PLCB2: variants seen among roughly 807,000 people sequenced by gnomAD.
The protein encoded by PLCB2 is 1-phosphatidylinositol 4,5-bisphosphate phosphodiesterase beta-2.
PLCB2 carries 115 observed loss-of-function variants against 141.7 expected under a neutral mutation model. The ratio of observed to expected loss-of-function variants is 0.81; its 90% CI spans 0.70 to 0.95. The LOEUF (loss-of-function observed/expected upper bound fraction) is 0.95, where lower values mean the gene tolerates loss of function less well. Ranked by LOEUF, PLCB2 falls within the 40% of genes least tolerant of loss-of-function variation. The pLI is 0.00. For synonymous variants in PLCB2, 603 were observed against 595.6 expected (o/e 1.01, Z -0.18); for missense variants, 1,403 against 1,541.1 (o/e 0.91, Z 1.50).
chr15:40,292,458 AG>A lies in PLCB2; in HGVS notation c.2327-16del, dbSNP rs771611153. The A allele has an allele frequency of 5.0e-5, 80 of 1,589,406 alleles. No individual in the cohort carries two copies. The highest frequency in any genetic ancestry group is 1.7e-4 in the Middle Eastern group (1 of 5,862). ...GTGGTGGTACCCTGTGAGACAGGAC[AG>A]GGTAGGCAGTGAGCCAGAGCCCGTT... On this transcript the variant is annotated splice_polypyrimidine_tract_variant and intron_variant, in intron 21 of 31. Coordinates refer to ENST00000260402, the MANE Select transcript of PLCB2 (RefSeq NM_004573.3).
chr15:40,302,332 T>A lies in PLCB2; in HGVS notation c.390A>T (p.Val130=), dbSNP rs1313223605. The A allele has an allele frequency of 6.2e-6, 10 of 1,613,918 alleles. No individual in the cohort carries two copies. The highest frequency in any genetic ancestry group is 1.3e-5 in the African/African-American group (1 of 74,906). Residue 130 remains valine, a synonymous_variant, in exon 5 of 32, where the codon GTA becomes GTT. Coordinates refer to ENST00000260402, the MANE Select transcript of PLCB2 (RefSeq NM_004573.3). ...TCAGCGGATGTTTGACTAGGGCCAG[T>A]ACGTCCTCAGCCCAGGCCTGCAGGA... is the stretch of plus-strand genomic sequence containing the variant. The part of the protein sequence containing the change: ...ENVGKAWAED[V]LALVKHPLTA...
intron 2 of PLCB2, among the ~76,000 whole-genome samples, chr15:40,303,560 C>A (rs2040635384): frequency 6.6e-6 from 1 of 152,136 alleles, no homozygotes; most frequent in African/African-American, 2.4e-5. Flanking sequence ...TCATGCAGAT[C>A]CTCCTCCCTT....
chr15:40,289,527 T>C (rs2039736758), intron 30 of PLCB2, 169 bp from the exon 31 acceptor site: 1 of 622,354 alleles, frequency 1.6e-6, no homozygotes, highest in South Asian at 1.9e-5. Flanking sequence ...CTCACTGGAC[T>C]GTAAAAGATT....
rs9972332 is a variant in PLCB2, at chr15:40,294,336, G to T, written c.1991C>A (p.Pro664Gln). Residue 664 changes from proline (P) to glutamine (Q), a missense_variant, in exon 19 of 32, where the codon CCG becomes CAG. By Grantham distance (76) the Pro-to-Gln change is moderately conservative. Coordinates refer to ENST00000260402, the MANE Select transcript of PLCB2 (RefSeq NM_004573.3). ...YLLKHEFMRR[P>Q]DKQFNPFSVD... ...TGAGAAGGGGTTGAACTGCTTGTCC[G>T]GCCGGCGCATGAACTCATGCTTGAG... The T allele has an allele frequency of 1.2e-6, 2 of 1,614,178 alleles. No homozygotes were observed. The highest frequency in any genetic ancestry group is 2.2e-5 in the South Asian group (2 of 91,082).
intron 19 of PLCB2, 66 bp from the exon 20 acceptor site, chr15:40,293,790 G>A: frequency 1.9e-6 from 3 of 1,551,606 alleles, no homozygotes; most frequent in Admixed American, 1.7e-5. Flanking sequence ...AAGCATCTGG[G>A]GCCCCTGGCT....
chr15:40,301,493 G>T, intron 7 of PLCB2: 1 of 702,560 alleles, frequency 1.4e-6, no homozygotes. Context: ...CAGAGCAGAA[G>T]TCTGCATCTT....
chr15:40,294,249 G>T lies in PLCB2; in HGVS notation c.2061+17C>A. ...AGACCTCAGCCTCCCGGCCACTTGT[G>T]TGCCCCAGGGCCTTGCCGTAATGGA... On this transcript the variant is annotated intron_variant, in intron 19 of 31. Transcript: ENST00000260402. 1 of 1,612,618 alleles carries T rather than the reference G, an allele frequency of 6.2e-7. No homozygotes were observed. Among genetic ancestry groups the T allele is most frequent in the South Asian group, 1.1e-5 (1 of 91,066 alleles).
At chr15:40,290,707 G>C (rs749686762) in intron 28 of PLCB2, 35 bp from the exon 29 acceptor site, 3 of 1,611,868 alleles carry the variant, frequency 1.9e-6, no homozygotes, top group South Asian at 2.2e-5. Context: ...GCTGTTTTGT[G>C]CGGCTGAGCC....
rs774841579 is a variant in PLCB2, at chr15:40,302,367, G to A, written c.373-18C>T. ...GCCCAGGCCTGCAGGACCACAGAGA[G>A]CAGCGGTCAGGCTCCTGAGCACCCC... is the stretch of plus-strand genomic sequence containing the variant. On this transcript the variant is annotated intron_variant, in intron 4 of 31. Transcript: ENST00000260402. 1.9e-6 allele frequency: 3 copies of A among 1,613,208 alleles called. No individual in the cohort carries two copies. The East Asian group carries it at 6.7e-5, about 36-fold the overall frequency.
In PLCB2 at chr15:40,288,367, G is replaced by C; in HGVS notation, c.*348C>G. The C allele has an allele frequency of 9.6e-7, 1 of 1,040,046 alleles. No homozygotes were observed. Among genetic ancestry groups the C allele is most frequent in the Non-Finnish European group, 1.2e-6 (1 of 864,854 alleles). The allele number at this position is 1,040,046 out of a possible 1,614,324, so 64.4% of individuals were successfully genotyped here. On this transcript the variant is annotated 3_prime_UTR_variant, in exon 32 of 32. Coordinates refer to ENST00000260402, the MANE Select transcript of PLCB2 (RefSeq NM_004573.3). The stretch of plus-strand genomic sequence containing the variant: ...TCCAGGTGAGGAAACTGAGCCCAGA[G>C]CTGGTTGCTCAATAGGAAAGGCAGA...
At chr15:40,291,983 G>C (rs1338696887) in intron 23 of PLCB2, 59 bp from the exon 24 acceptor site, 2 of 1,605,758 alleles carry the variant, frequency 1.2e-6, no homozygotes, top group Non-Finnish European at 1.7e-6. Context: ...CCGAGCCTGG[G>C]ACTCGGCCCT....
Position 40,303,361 on chromosome 15 carries a change from G to C in PLCB2, c.163-5C>G. 1.9e-6 allele frequency: 3 copies of C among 1,611,982 alleles called. No individual in the cohort carries two copies. Among genetic ancestry groups the C allele is most frequent in the Non-Finnish European group, 2.5e-6 (3 of 1,178,088 alleles). ...GATATCCAGAAACTCCATCTCCTGG[G>C]GGCAGGGTGCGGATCCCGGTGGGAG... On this transcript the variant is annotated splice_region_variant and splice_polypyrimidine_tract_variant and intron_variant, in intron 2 of 31. Transcript: ENST00000260402.
In PLCB2 at chr15:40,291,635, G is replaced by A. The variant is rs1374435304; in HGVS notation, c.2618C>T (p.Ala873Val). The part of the protein sequence containing the change: ...SNGSPAARAG[A>V]REEAMKEAAE... ...AGCTTCTTTCATAGCCTCTTCCCTG[G>A]CCCCGGCCCTGGCTGCTGCAAGAGC... Residue 873 changes from alanine to valine, a missense_variant, in exon 25 of 32, where the codon GCC becomes GTC. Physicochemically the swap from Ala to Val is moderately conservative, Grantham distance 64. Coordinates refer to ENST00000260402, the MANE Select transcript of PLCB2 (RefSeq NM_004573.3). 1.2e-6 allele frequency: 2 copies of A among 1,613,126 alleles called. No individual in the cohort carries two copies. The highest frequency in any genetic ancestry group is 1.7e-6 in the Non-Finnish European group (2 of 1,179,884).
chr15:40,301,877 C>T (rs977564617), intron 7 of PLCB2, 80 bp downstream of exon 7: 2 of 1,265,558 alleles, frequency 1.6e-6, no homozygotes, highest in Admixed American at 1.8e-5. Context: ...CTCTGCTCCC[C>T]CACCCACCAT....
chr15:40,304,144 G>T, intron 1 of PLCB2, 66 bp from the exon 2 acceptor site: 1 of 1,113,892 alleles, frequency 9.0e-7, no homozygotes. Context: ...GTCCAGGCCA[G>T]GGGTTTCAGA....
At chr15:40,295,496 CA>C (rs1461726722) in intron 16 of PLCB2, among the ~76,000 whole-genome samples, 1 of 150,134 alleles carries the variant, frequency 6.7e-6, no homozygotes, top group Non-Finnish European at 1.5e-5. Context: ...TGTGTATGCA[CA>C]GGGGTGGGGT....
Position 40,297,237 on chromosome 15 carries a change from C to T in PLCB2, c.1323+284G>A, listed in dbSNP as rs1380667148. Among the ~76,000 whole-genome samples, 6 of 152,094 alleles carry T rather than the reference C, an allele frequency of 3.9e-5. No individual in the cohort carries two copies. In the South Asian group the frequency reaches 8.3e-4, roughly 21 times the overall value. ...ATCCCCAAGACCAGATCAGAACTCC[C>T]CAGGTGCTCCCATAACAACCACTGG... is the stretch of plus-strand genomic sequence containing the variant. On this transcript the variant is annotated intron_variant, in intron 13 of 31. Coordinates refer to ENST00000260402, the MANE Select transcript of PLCB2 (RefSeq NM_004573.3). This position sits in a 1 kb window ranked among gnomAD's most constrained non-coding sequence, Gnocchi z 4.2.
chr15:40,292,484 TC>T, intron 21 of PLCB2, 41 bp from the exon 22 acceptor site: 1 of 1,429,156 alleles, frequency 7.0e-7, no homozygotes, highest in East Asian at 2.3e-5. Context: ...CAGAGCCCGT[TC>T]CTGCCAGCAC....
downstream of PLCB2, chr15:40,285,920 TGA>T: frequency 1.0e-6 from 1 of 985,412 alleles, no homozygotes; most frequent in Non-Finnish European, 1.2e-6. Flanking sequence ...CGTGGTGGAT[TGA>T]GACAGTTCCA....
Sources: gnomAD v4.1 joint callset for allele counts (sites outside exome capture counted in the v4.1 genomes callset) on GRCh38, gnomAD v4.1.1 for gene constraint, Gnocchi (gnomAD v3.1) non-coding constraint, MANE v1.5 for transcripts, NCBI Gene and HGNC (gene_info 2026-07-23, HGNC 2026-07-21) for gene names.